Variants in PRKG1 observed in about 807,000 individuals in gnomAD.
The protein encoded by PRKG1 is protein kinase cGMP-dependent 1.
PRKG1 carries 35 observed loss-of-function variants against 88.1 expected under a neutral mutation model. That is an observed-to-expected ratio of 0.40 (90% CI 0.30 to 0.53). The LOEUF is 0.53. Ranked by LOEUF, PRKG1 falls within the 20% of genes least tolerant of loss-of-function variation. PRKG1 has a pLI of 0.59. For synonymous variants in PRKG1, 303 were observed against 292.5 expected (o/e 1.04, Z -0.37); for missense variants, 540 against 839.8 (o/e 0.64, Z 4.41).
Position 51,581,916 on chromosome 10 carries a change from A to G in PRKG1, c.592+114080A>G, listed in dbSNP as rs185301178. 3.3e-4 allele frequency among the ~76,000 whole-genome samples: 50 copies of G among 151,496 alleles called. 1 individual carries two copies. The highest frequency in any genetic ancestry group is 3.0e-3 in the Admixed American group (45 of 15,248). On this transcript the variant is annotated intron_variant, in intron 3 of 17. Coordinates refer to ENST00000373980, the MANE Select transcript of PRKG1 (RefSeq NM_006258.4). Reference sequence around the variant, plus strand: ...CCTAGTTCATCTTAAACACACTCCAATGAAGGAATAAGTACATTAAAAAAA... The same window carrying G: ...CCTAGTTCATCTTAAACACACTCCAGTGAAGGAATAAGTACATTAAAAAAA...
chr10:51,609,628 T>C (rs1838852643), intron 3 of PRKG1, among the ~76,000 whole-genome samples: 1 of 152,090 alleles, frequency 6.6e-6, no homozygotes, highest in Non-Finnish European at 1.5e-5. Context: ...GAAAATGCAA[T>C]ACATATATAC....
At chr10:51,869,690 G>A (rs142976112) in intron 4 of PRKG1, among the ~76,000 whole-genome samples, 101 of 151,992 alleles carry the variant, frequency 6.6e-4, no homozygotes, top group African/African-American at 2.2e-3. Context: ...TCTGACTTAC[G>A]CATAATTATG....
intron 3 of PRKG1, among the ~76,000 whole-genome samples, chr10:51,617,463 A>T (rs939001499): frequency 1.3e-5 from 2 of 152,118 alleles, no homozygotes; most frequent in African/African-American, 2.4e-5. Context: ...ACCTATCTGC[A>T]TGTGTCATCT....
intron 1 of PRKG1, among the ~76,000 whole-genome samples, chr10:51,099,709 T>C (rs759210899): frequency 6.6e-6 from 1 of 152,118 alleles, no homozygotes; most frequent in Non-Finnish European, 1.5e-5. Flanking sequence ...CTGCTAGATA[T>C]TGCTAATAAA....
intron 2 of PRKG1, among the ~76,000 whole-genome samples, chr10:51,461,294 C>T (rs1839737458): frequency 6.6e-6 from 1 of 152,030 alleles, no homozygotes; most frequent in African/African-American, 2.4e-5. Context: ...CTTTTGAGCA[C>T]CCTGTAAGAA....
intron 8 of PRKG1, among the ~76,000 whole-genome samples, chr10:52,140,175 TTTC>T (rs1837537483): frequency 6.6e-6 from 1 of 152,234 alleles, no homozygotes; most frequent in Admixed American, 6.5e-5. Context: ...TTGGCCATAA[TTTC>T]TTGACCCCTG....
chr10:51,118,525 A>G (rs1465723470), intron 1 of PRKG1, among the ~76,000 whole-genome samples: 1 of 152,210 alleles, frequency 6.6e-6, no homozygotes, highest in Admixed American at 6.5e-5. Flanking sequence ...AAGCTTTCGT[A>G]TAGTACTTTT....
Position 51,051,072 on chromosome 10 carries a change from A to T in PRKG1, c.266+59428A>T, listed in dbSNP as rs189122438. 2.5e-3 allele frequency among the ~76,000 whole-genome samples: 383 copies of T among 152,194 alleles called. 4 individuals are homozygous for T. The highest frequency in any genetic ancestry group is 8.9e-3 in the African/African-American group (369 of 41,544). On this transcript the variant is annotated intron_variant, in intron 1 of 17. Transcript: ENST00000401604. ...ATTTTGGATATGAACACCTCATCAG[A>T]TAAATGGTTTGCAAGCATTTTCTCC...
intron 17 of PRKG1, among the ~76,000 whole-genome samples, chr10:52,292,990 A>G (rs1842289738): frequency 6.6e-6 from 1 of 152,178 alleles, no homozygotes; most frequent in African/African-American, 2.4e-5. Flanking sequence ...TGCAGATGAC[A>G]TGATTATATA....
chr10:51,956,209 G>T (rs867170813), intron 5 of PRKG1, among the ~76,000 whole-genome samples: 1 of 151,788 alleles, frequency 6.6e-6, no homozygotes, highest in East Asian at 1.9e-4. Context: ...TATTTTGTTG[G>T]TATTTTTGTT....
chr10:51,237,843 G>C (rs1839038396), intron 2 of PRKG1, among the ~76,000 whole-genome samples: 1 of 152,058 alleles, frequency 6.6e-6, no homozygotes, highest in Non-Finnish European at 1.5e-5. Context: ...TCAGGCCCTT[G>C]ATCCCTGACA....
intron 4 of PRKG1, among the ~76,000 whole-genome samples, chr10:51,869,397 T>C (rs1035626500): frequency 6.6e-6 from 1 of 151,968 alleles, no homozygotes; most frequent in East Asian, 1.9e-4. Context: ...GTTTTTTTTT[T>C]AATAAAGTAT....
rs892144714 is a variant in PRKG1 at position 51,014,530 on chromosome 10, AT to A, written c.266+22896del. Among the ~76,000 whole-genome samples the A allele has an allele frequency of 1.1e-3, 162 of 148,798 alleles. 1 individual carries two copies. The highest frequency in any genetic ancestry group is 8.4e-3 in the East Asian group (43 of 5,106). ...TGCAGGGAAAAATTATCTTGAAAAC[AT>A]TTTTTTTTTCACACCTTATATCTTC... On this transcript the variant is annotated intron_variant, in intron 1 of 17. Coordinates refer to the PRKG1 transcript ENST00000401604.
chr10:51,703,425 C>T (rs1457112437), intron 3 of PRKG1, among the ~76,000 whole-genome samples: 3 of 152,082 alleles, frequency 2.0e-5, no homozygotes, highest in Non-Finnish European at 4.4e-5. Flanking sequence ...CTACCCTTTC[C>T]CCTAGGTTAG....
intron 3 of PRKG1, among the ~76,000 whole-genome samples, chr10:51,727,286 AT>A (rs1336151619): frequency 3.0e-5 from 4 of 132,322 alleles, no homozygotes; most frequent in Middle Eastern, 4.1e-3. Flanking sequence ...AAAAAAAAAA[AT>A]ATATATATAT....
chr10:51,070,109 C>T (rs899147119), upstream of PRKG1, among the ~76,000 whole-genome samples: 5 of 152,108 alleles, frequency 3.3e-5, no homozygotes, highest in African/African-American at 1.2e-4. Context: ...AGTAGCAACA[C>T]TTATAAGTTC....
At chr10:52,126,360 T>G (rs1589629592) in intron 7 of PRKG1, among the ~76,000 whole-genome samples, 2 of 152,198 alleles carry the variant, frequency 1.3e-5, no homozygotes, top group East Asian at 3.8e-4. Context: ...AAGGTGGATT[T>G]TCTAATTTAA....
chr10:51,237,214 G>A (rs1443251152), intron 2 of PRKG1, among the ~76,000 whole-genome samples: 2 of 152,184 alleles, frequency 1.3e-5, no homozygotes, highest in East Asian at 1.9e-4. Flanking sequence ...CCTTACCAAA[G>A]TATCTTGTTC....
chr10:51,532,053 A>G (rs2038918), intron 3 of PRKG1, among the ~76,000 whole-genome samples: 41,561 of 152,134 alleles, frequency 0.27, 7,229 homozygotes, highest in East Asian at 0.88. Context: ...TTTGCTCACT[A>G]TGTTAGCAGA....
Sources: gnomAD v4.1 joint callset for allele counts (sites outside exome capture counted in the v4.1 genomes callset) on GRCh38, gnomAD v4.1.1 for gene constraint, MANE v1.5 for transcripts, NCBI Gene and HGNC (gene_info 2026-07-23, HGNC 2026-07-21) for gene names.